Variants in MAPK10 observed in about 807,000 individuals in gnomAD.
The protein encoded by MAPK10 is mitogen-activated protein kinase 10, also known as JNK3 alpha protein kinase.
In MAPK10, 25 loss-of-function variants were observed where a neutral mutation model predicts 59.3. The observed-to-expected ratio is 0.42, with a 90% confidence interval of 0.31 to 0.59. The LOEUF is 0.59. MAPK10 is among the 20% of genes least tolerant of loss of function. The pLI, the probability that MAPK10 is intolerant of heterozygous loss-of-function variation, is 0.15. For missense variants in MAPK10, 351 were observed against 568.9 expected (o/e 0.62, Z 3.90); for synonymous variants, 190 against 200.5 (o/e 0.95, Z 0.44).
At chr4:86,136,877 T>C (rs2149162563) in intron 4 of MAPK10, among the ~76,000 whole-genome samples, 1 of 151,952 alleles carries the variant, frequency 6.6e-6, no homozygotes, top group Non-Finnish European at 1.5e-5. Flanking sequence ...AAGGCAGGGG[T>C]TGTAATCCTA....
chr4:86,553,530 GC>G (rs1172296531), intron 1 of MAPK10, among the ~76,000 whole-genome samples: 2 of 152,136 alleles, frequency 1.3e-5, no homozygotes, highest in Non-Finnish European at 1.5e-5. Context: ...TCCCACCATT[GC>G]TTTTGCCCTT....
At position 86,183,972 on chromosome 4, in the gene MAPK10, C is replaced by G. The variant is rs1355769140; in HGVS notation, c.66+10364G>C. ...AGTGTCTGTTCATGTCCTTTGCCCA[C>G]TTTTTGATGGGGTTGTTTGTATTTT... On this transcript the variant is annotated intron_variant, in intron 3 of 13. Coordinates refer to ENST00000641462, the MANE Select transcript of MAPK10 (RefSeq NM_138982.4). Among the ~76,000 whole-genome samples the G allele has an allele frequency of 5.3e-5, 8 of 152,074 alleles. 1 individual carries two copies. The highest frequency in any genetic ancestry group is 4.6e-4 in the Admixed American group (7 of 15,260).
chr4:86,352,330 A>T (rs533442697), intron 2 of MAPK10: 1 of 152,330 alleles, frequency 6.6e-6, no homozygotes, highest in African/African-American at 2.4e-5. Context: ...AATAGACTAG[A>T]TAAGTAAATA....
intron 1 of MAPK10, among the ~76,000 whole-genome samples, chr4:86,591,121 G>T (rs1427130464): frequency 6.6e-6 from 1 of 151,996 alleles, no homozygotes; most frequent in Non-Finnish European, 1.5e-5. Flanking sequence ...ATGGGGTCTT[G>T]CTATGTTACC....
At chr4:86,462,939 G>T (rs1404848037) in intron 1 of MAPK10, among the ~76,000 whole-genome samples, 1 of 152,182 alleles carries the variant, frequency 6.6e-6, no homozygotes, top group Non-Finnish European at 1.5e-5. Flanking sequence ...CCATTGTTAA[G>T]CCTCCAGAAT....
At chr4:86,582,403 C>T (rs1196242615) in intron 1 of MAPK10, among the ~76,000 whole-genome samples, 1 of 152,070 alleles carries the variant, frequency 6.6e-6, no homozygotes, top group Non-Finnish European at 1.5e-5. Context: ...TTGAAACAGA[C>T]AAAATCAAGC....
intron 1 of MAPK10, among the ~76,000 whole-genome samples, chr4:86,498,271 G>A (rs1327553202): frequency 1.3e-5 from 2 of 152,202 alleles, no homozygotes; most frequent in Non-Finnish European, 2.9e-5. Context: ...CAGAAAAATG[G>A]CTATTTCTGG....
chr4:86,265,738 T>C (rs1461713024), intron 2 of MAPK10, among the ~76,000 whole-genome samples: 1 of 152,148 alleles, frequency 6.6e-6, no homozygotes, highest in Non-Finnish European at 1.5e-5. Context: ...CTCAGGATAT[T>C]TGAAGCACAA....
At chr4:86,402,879 G>A (rs954663418) in intron 1 of MAPK10, among the ~76,000 whole-genome samples, 4 of 152,130 alleles carry the variant, frequency 2.6e-5, no homozygotes, top group Admixed American at 2.0e-4. Context: ...GGAAAGCATG[G>A]CCTGGGCTCA....
At chr4:86,449,157 C>G (rs1298869994) in intron 1 of MAPK10, among the ~76,000 whole-genome samples, 2 of 152,120 alleles carry the variant, frequency 1.3e-5, no homozygotes, top group Non-Finnish European at 2.9e-5. Context: ...GTCTGTGGCC[C>G]CAGGGGTTGG....
At chr4:86,173,777 T>G (rs1353998583) in intron 3 of MAPK10, among the ~76,000 whole-genome samples, 1 of 151,986 alleles carries the variant, frequency 6.6e-6, no homozygotes, top group Non-Finnish European at 1.5e-5. Flanking sequence ...CTTAAACAAA[T>G]TTACAAGGAA....
At chr4:86,223,402 G>A (rs1248285560) in intron 2 of MAPK10, among the ~76,000 whole-genome samples, 2 of 152,128 alleles carry the variant, frequency 1.3e-5, no homozygotes, top group African/African-American at 4.8e-5. Flanking sequence ...TGTGAACATT[G>A]TCCTGTTCGG....
At chr4:86,258,014 T>C (rs1300068304) in intron 2 of MAPK10, among the ~76,000 whole-genome samples, 3 of 152,122 alleles carry the variant, frequency 2.0e-5, no homozygotes. Flanking sequence ...TAGGACCTAC[T>C]AGAGAAAAGT....
intron 4 of MAPK10, among the ~76,000 whole-genome samples, chr4:86,157,908 A>T (rs1374837584): frequency 6.6e-6 from 1 of 151,926 alleles, no homozygotes; most frequent in African/African-American, 2.4e-5. Context: ...GGTCTGTTCA[A>T]AGGAAAATGA....
intron 1 of MAPK10, among the ~76,000 whole-genome samples, chr4:86,518,972 G>C (rs1158907301): frequency 6.6e-6 from 1 of 152,130 alleles, no homozygotes; most frequent in Non-Finnish European, 1.5e-5. Context: ...ACTGTGGTCT[G>C]AGAGTGTACT....
At chr4:86,377,641 C>A (rs1056997153) in intron 1 of MAPK10, among the ~76,000 whole-genome samples, 3 of 152,110 alleles carry the variant, frequency 2.0e-5, no homozygotes, top group South Asian at 4.1e-4. Flanking sequence ...CTGAATGAAT[C>A]GGTGAATCAC....
chr4:86,319,812 T>C (rs2095855670), intron 2 of MAPK10, among the ~76,000 whole-genome samples: 1 of 152,248 alleles, frequency 6.6e-6, no homozygotes. Context: ...CAAGTCCTTG[T>C]AAAGACAACC....
rs1743069691 is a variant in MAPK10, at chr4:86,015,711, A to G, written c.*1517T>C. On this transcript the variant is annotated 3_prime_UTR_variant, in exon 14 of 14. Coordinates refer to ENST00000641462, the MANE Select transcript of MAPK10 (RefSeq NM_138982.4). ...GCTTTTAAGACAAACTCATATTGCTAAAACTATTTGGCAGCAGTAAATTTA... is the reference window on the plus strand; with the variant it reads ...GCTTTTAAGACAAACTCATATTGCTGAAACTATTTGGCAGCAGTAAATTTA... 1 of 152,206 alleles carries G rather than the reference A, an allele frequency of 6.6e-6. No homozygotes were observed. 9.4% of individuals were successfully genotyped at this position (152,206 alleles called of 1,614,324 possible).
At chr4:86,170,541 G>A (rs12509902) in intron 3 of MAPK10, among the ~76,000 whole-genome samples, 12,667 of 151,740 alleles carry the variant, frequency 0.083, 1,154 homozygotes, top group African/African-American at 0.23. Flanking sequence ...AAATATATAT[G>A]CACCCAATAC....
Sources: gnomAD v4.1 joint callset for allele counts (sites outside exome capture counted in the v4.1 genomes callset) on GRCh38, gnomAD v4.1.1 for gene constraint, MANE v1.5 for transcripts, NCBI Gene and HGNC (gene_info 2026-07-23, HGNC 2026-07-21) for gene names.